NCMAP: variants seen among roughly 807,000 people sequenced by gnomAD.
The protein encoded by NCMAP is non-compact myelin associated protein.
NCMAP carries 8 observed loss-of-function variants against 7.8 expected under a neutral mutation model. The observed-to-expected ratio is 1.02, with a 90% CI of 0.60 to 1.84. NCMAP has a LOEUF of 1.84. Among genes scored for constraint, NCMAP ranks in the 40% most tolerant of loss-of-function variants. The pLI is 0.00. For missense variants in NCMAP, 112 were observed against 131.4 expected, an observed-to-expected ratio of 0.85 and a Z score of 0.72; for synonymous variants, 41 against 52.9, an observed-to-expected ratio of 0.78 and a Z score of 0.98.
intron 3 of NCMAP, among the ~76,000 whole-genome samples, chr1:24,604,391 A>G (rs567658990): frequency 6.6e-6 from 1 of 150,974 alleles, no homozygotes; most frequent in Non-Finnish European, 1.5e-5. Context: ...CCTGGGCAAC[A>G]TAGTGAAACC....
At chr1:24,591,240 T>C (rs542670642) in intron 1 of NCMAP, among the ~76,000 whole-genome samples, 2 of 151,752 alleles carry the variant, frequency 1.3e-5, no homozygotes, top group Non-Finnish European at 2.9e-5. Context: ...TGAGTAGGAG[T>C]CTTCCTTGGG....
At chr1:24,567,476 G>T (rs746856784) in intron 1 of NCMAP, among the ~76,000 whole-genome samples, 3 of 152,126 alleles carry the variant, frequency 2.0e-5, no homozygotes, top group Non-Finnish European at 2.9e-5. Context: ...TTCTGCTAGG[G>T]GGTTAACGTG....
chr1:24,573,544 C>T (rs1209946519), intron 1 of NCMAP, among the ~76,000 whole-genome samples: 2 of 150,566 alleles, frequency 1.3e-5, no homozygotes, highest in African/African-American at 5.0e-5. Context: ...GCTAAGATCG[C>T]ACCATTGCAC....
intron 1 of NCMAP, among the ~76,000 whole-genome samples, chr1:24,572,613 G>A (rs967522126): frequency 1.3e-5 from 2 of 149,738 alleles, no homozygotes; most frequent in Non-Finnish European, 2.9e-5. Context: ...CACACTCACC[G>A]CCCCTCCCCA....
intron 1 of NCMAP, among the ~76,000 whole-genome samples, chr1:24,561,271 G>C (rs1430545570): frequency 6.6e-6 from 1 of 151,480 alleles, no homozygotes; most frequent in Admixed American, 6.6e-5. Flanking sequence ...CACTTGAATG[G>C]GGGAGGCGGA....
At chr1:24,592,667 C>T (rs1652081914) in intron 1 of NCMAP, among the ~76,000 whole-genome samples, 1 of 152,066 alleles carries the variant, frequency 6.6e-6, no homozygotes, top group Non-Finnish European at 1.5e-5. Context: ...ACCTGTAATC[C>T]CAGCATTTTG....
intron 2 of NCMAP, among the ~76,000 whole-genome samples, chr1:24,599,377 C>A (rs78418197): frequency 0.24 from 36,207 of 151,246 alleles, 5,162 homozygotes; most frequent in East Asian, 0.42. Context: ...CATTAAACTA[C>A]AAGGACATCA....
intron 1 of NCMAP, among the ~76,000 whole-genome samples, chr1:24,571,640 A>G (rs533790907): frequency 6.7e-6 from 1 of 150,076 alleles, no homozygotes; most frequent in East Asian, 1.9e-4. Context: ...GGCTGAAGTG[A>G]CATGGCACGA....
In NCMAP at chr1:24,605,814, A is replaced by G. The variant is rs1463393611; in HGVS notation, c.*67A>G. On this transcript the variant is annotated 3_prime_UTR_variant, in exon 4 of 4. Coordinates refer to ENST00000374392, the MANE Select transcript of NCMAP (RefSeq NM_001010980.5). The stretch of plus-strand genomic sequence containing the variant: ...CTCCAGAGTCAAGACCCAGAGGCAC[A>G]CTCTCTGGCAGCTTCACAATGAGCT... 2 of 1,551,616 alleles carry G rather than the reference A, an allele frequency of 1.3e-6. No individual in the cohort carries two copies. Among genetic ancestry groups the G allele is most frequent in the African/African-American group, 2.7e-5 (2 of 73,400 alleles).
chr1:24,566,341 G>C (rs911724539), intron 1 of NCMAP, among the ~76,000 whole-genome samples: 2 of 152,174 alleles, frequency 1.3e-5, no homozygotes, highest in Admixed American at 1.3e-4. Context: ...CAAGGGAGTG[G>C]AGAAATGGAC....
Position 24,563,253 on chromosome 1 carries a change from G to T in NCMAP, c.-8+7084G>T, listed in dbSNP as rs148743202. On this transcript the variant is annotated intron_variant, in intron 1 of 3. Coordinates refer to ENST00000374392, the MANE Select transcript of NCMAP (RefSeq NM_001010980.5). ...ATTCAGTGACTTGGCCGGGCAAGGT[G>T]GCTTGCGCCTGTAATCCCAGCAATT... Among the ~76,000 whole-genome samples the T allele has an allele frequency of 3.1e-3, 467 of 152,318 alleles. 2 individuals are homozygous for T. Among genetic ancestry groups the T allele is most frequent in the South Asian group, 0.019 (93 of 4,828 alleles).
chr1:24,579,003 C>G (rs1023130366), intron 1 of NCMAP, among the ~76,000 whole-genome samples: 1 of 152,134 alleles, frequency 6.6e-6, no homozygotes, highest in Admixed American at 6.5e-5. Context: ...GAACCTCCCC[C>G]ACCCCAGTCA....
intron 2 of NCMAP, among the ~76,000 whole-genome samples, 174 bp from the exon 3 acceptor site, chr1:24,600,766 G>A (rs1473577400): frequency 6.6e-6 from 1 of 152,176 alleles, no homozygotes; most frequent in African/African-American, 2.4e-5. Context: ...CGGGGCAGGG[G>A]TGCACAGCCA....
chr1:24,568,071 A>T (rs1651281457), intron 1 of NCMAP, among the ~76,000 whole-genome samples: 1 of 152,140 alleles, frequency 6.6e-6, no homozygotes, highest in African/African-American at 2.4e-5. Flanking sequence ...ACCCGTTCAC[A>T]TCCTTCCAGG....
At chr1:24,597,615 A>AAGAG (rs60751058) in intron 2 of NCMAP, among the ~76,000 whole-genome samples, 5,249 of 68,756 alleles carry the variant, frequency 0.076, 386 homozygotes, top group East Asian at 0.15. Flanking sequence ...GAAAGAAAGA[A>AAGAG]AGAGAAAGAA....
In NCMAP at chr1:24,575,189, C is replaced by A. The variant is rs1012478318; in HGVS notation, c.-8+19020C>A. On this transcript the variant is annotated intron_variant, in intron 1 of 3. Coordinates refer to ENST00000374392, the MANE Select transcript of NCMAP (RefSeq NM_001010980.5). Reference sequence around the variant, plus strand: ...TCGTGCCACTGCACTCCAGCCTGGGCGACAGAGTGAGACTTTGTCTCAGAT... The same window carrying A: ...TCGTGCCACTGCACTCCAGCCTGGGAGACAGAGTGAGACTTTGTCTCAGAT... 2.0e-5 allele frequency among the ~76,000 whole-genome samples: 3 copies of A among 151,334 alleles called. No homozygotes were observed. The South Asian group carries it at 6.3e-4, about 32-fold the overall frequency.
At chr1:24,565,572 T>TTG (rs58714256) in intron 1 of NCMAP, among the ~76,000 whole-genome samples, 12,901 of 143,500 alleles carry the variant, frequency 0.09, 667 homozygotes, top group East Asian at 0.19. Flanking sequence ...TGATAGAAGA[T>TTG]TGTGTGTGTG....
At position 24,607,978 on chromosome 1, in the gene NCMAP, T is replaced by C. The variant is rs557661375; in HGVS notation, c.*2231T>C. ...GTAAAAATACTCTGTGGAATAGCTCTGGAGAAATACTGGCACATTCTTCCT... is the reference window on the plus strand; with the variant it reads ...GTAAAAATACTCTGTGGAATAGCTCCGGAGAAATACTGGCACATTCTTCCT... On this transcript the variant is annotated 3_prime_UTR_variant, in exon 4 of 4. Coordinates refer to ENST00000374392, the MANE Select transcript of NCMAP (RefSeq NM_001010980.5). 2 of 152,372 alleles carry C rather than the reference T, an allele frequency of 1.3e-5. No homozygotes were observed. The highest frequency in any genetic ancestry group is 4.1e-4 in the South Asian group (2 of 4,834). The allele number at this position is 152,372 out of a possible 1,614,324, so 9.4% of individuals were successfully genotyped here. A position where few individuals can be genotyped will look rare whatever the true frequency, so the allele number is the denominator to read the frequency against.
chr1:24,566,573 C>T (rs1346511159), intron 1 of NCMAP, among the ~76,000 whole-genome samples: 1 of 152,166 alleles, frequency 6.6e-6, no homozygotes, highest in Non-Finnish European at 1.5e-5. Context: ...CCTTGATTCC[C>T]ACAACAGATC....
Sources: allele counts gnomAD v4.1 joint callset (sites outside exome capture counted in the v4.1 genomes callset), GRCh38; gene constraint gnomAD v4.1.1; transcripts MANE v1.5; gene names NCBI Gene and HGNC (gene_info 2026-07-23, HGNC 2026-07-21).